The following ELOVL6 variants were observed in gnomAD, a reference collection of about 807,000 sequenced individuals.
ELOVL6 encodes the protein very long chain fatty acid elongase 6.
A neutral mutation model predicts 31.7 loss-of-function variants in ELOVL6; 8 were observed. The observed-to-expected ratio is 0.25, with a 90% CI of 0.15 to 0.45. The LOEUF (loss-of-function observed/expected upper bound fraction) is 0.45. Ranked by LOEUF, ELOVL6 falls within the 20% of genes least tolerant of loss-of-function variation. ELOVL6 has a pLI of 1.00. For synonymous variants in ELOVL6, 101 were observed against 117.7 expected, an observed-to-expected ratio of 0.86 and a Z score of 0.92; for missense variants, 126 against 326.4, an observed-to-expected ratio of 0.39 and a Z score of 4.73.
intron 2 of ELOVL6, among the ~76,000 whole-genome samples, chr4:110,090,614 T>TG (rs1756397160): frequency 6.9e-6 from 1 of 144,464 alleles, no homozygotes; most frequent in African/African-American, 2.6e-5. Flanking sequence ...TTTTTTTTTT[T>TG]TTTTTTCATG....
At chr4:110,052,656 A>G (rs1400781380) in intron 3 of ELOVL6, among the ~76,000 whole-genome samples, 1 of 152,238 alleles carries the variant, frequency 6.6e-6, no homozygotes, top group East Asian at 1.9e-4. Flanking sequence ...TGTATCTGCA[A>G]TGCTTCACTG....
At chr4:110,141,874 T>TAC (rs1553960302) in intron 1 of ELOVL6, among the ~76,000 whole-genome samples, 4 of 143,222 alleles carry the variant, frequency 2.8e-5, no homozygotes, top group African/African-American at 1.0e-4. Flanking sequence ...TATATATATA[T>TAC]ACTAATACAA....
At chr4:110,079,312 C>T (rs985996406) in intron 2 of ELOVL6, among the ~76,000 whole-genome samples, 27 of 152,092 alleles carry the variant, frequency 1.8e-4, no homozygotes, top group Non-Finnish European at 3.4e-4. Context: ...ACACCACACC[C>T]ATTACAAAAT....
chr4:110,151,776 T>G (rs1758286040), intron 1 of ELOVL6, among the ~76,000 whole-genome samples: 1 of 152,232 alleles, frequency 6.6e-6, no homozygotes, highest in Admixed American at 6.5e-5. Flanking sequence ...TCCCACTTAC[T>G]AGCTGTACAA....
At chr4:110,087,773 T>G (rs1017168194) in intron 2 of ELOVL6, among the ~76,000 whole-genome samples, 9 of 150,748 alleles carry the variant, frequency 6.0e-5, no homozygotes, top group African/African-American at 2.2e-4. Context: ...TAATTTTTTT[T>G]AAATAGCTCC....
Position 110,050,385 on chromosome 4 carries a change from C to G in ELOVL6, c.*953G>C, listed in dbSNP as rs1560796477. The G allele has an allele frequency of 6.6e-6, 1 of 152,576 alleles. No homozygotes were observed. The highest frequency in any genetic ancestry group is 1.5e-5 in the Non-Finnish European group (1 of 68,076). The allele number at this position is 152,576 out of a possible 1,614,324, so 9.5% of individuals were successfully genotyped here. A position where few individuals can be genotyped will look rare whatever the true frequency, so the allele number is the denominator to read the frequency against. Reference sequence around the variant, plus strand: ...CACCTCTTTTCCCACTGCCTTTCTCCCTTTTCCAGCTCACAGTGGTCCTGG... The same window carrying G: ...CACCTCTTTTCCCACTGCCTTTCTCGCTTTTCCAGCTCACAGTGGTCCTGG... On this transcript the variant is annotated 3_prime_UTR_variant, in exon 4 of 4. Coordinates refer to ENST00000302274, the MANE Select transcript of ELOVL6 (RefSeq NM_024090.3).
chr4:110,188,318 T>C (rs1345436983), intron 1 of ELOVL6, among the ~76,000 whole-genome samples: 2 of 152,190 alleles, frequency 1.3e-5, no homozygotes, highest in East Asian at 3.8e-4. Flanking sequence ...GTGAGATCAT[T>C]GACTAAAACC....
chr4:110,067,281 A>T (rs544245711), intron 2 of ELOVL6, among the ~76,000 whole-genome samples: 67 of 152,286 alleles, frequency 4.4e-4, no homozygotes, highest in Middle Eastern at 3.4e-3. Flanking sequence ...TCCATTAGAA[A>T]ATCTGAAAAT....
intron 2 of ELOVL6, among the ~76,000 whole-genome samples, chr4:110,076,571 TG>T (rs759879782): frequency 2.6e-5 from 4 of 152,122 alleles, no homozygotes; most frequent in Non-Finnish European, 4.4e-5. Context: ...TCTAGGTTTG[TG>T]GAAGTACACA....
intron 2 of ELOVL6, among the ~76,000 whole-genome samples, chr4:110,101,760 G>C (rs539889784): frequency 1.3e-5 from 2 of 152,098 alleles, no homozygotes; most frequent in Non-Finnish European, 2.9e-5. Context: ...TGCAGCCTCA[G>C]CCTCCCCTGG....
intron 2 of ELOVL6, among the ~76,000 whole-genome samples, chr4:110,067,100 T>C (rs1022976053): frequency 2.6e-5 from 4 of 152,176 alleles, no homozygotes; most frequent in Admixed American, 2.0e-4. Flanking sequence ...TTTTTTTGTC[T>C]AATAAATGTC....
chr4:110,085,808 G>T (rs1756247541), intron 2 of ELOVL6, among the ~76,000 whole-genome samples: 1 of 152,242 alleles, frequency 6.6e-6, no homozygotes, highest in Admixed American at 6.5e-5. Flanking sequence ...CAACCTTCCA[G>T]TTTCAAGTGA....
intron 2 of ELOVL6, among the ~76,000 whole-genome samples, chr4:110,064,141 A>G (rs1421669844): frequency 6.6e-6 from 1 of 152,028 alleles, no homozygotes; most frequent in Non-Finnish European, 1.5e-5. Flanking sequence ...CATTTTTGTC[A>G]AAGCCAAATG....
intron 1 of ELOVL6, among the ~76,000 whole-genome samples, chr4:110,139,568 C>CT (rs1251426499): frequency 6.6e-6 from 1 of 151,936 alleles, no homozygotes; most frequent in Non-Finnish European, 1.5e-5. Context: ...CATTTTTTGT[C>CT]TTTTTTCAGA....
intron 2 of ELOVL6, among the ~76,000 whole-genome samples, chr4:110,076,750 G>A (rs1755643277): frequency 6.6e-6 from 1 of 152,190 alleles, no homozygotes; most frequent in Non-Finnish European, 1.5e-5. Context: ...AAGACAGTGG[G>A]TGCAGCGCAC....
intron 1 of ELOVL6, among the ~76,000 whole-genome samples, chr4:110,118,289 T>C (rs1757246902): frequency 6.6e-6 from 1 of 152,014 alleles, no homozygotes; most frequent in Non-Finnish European, 1.5e-5. Context: ...CCAGACTTCA[T>C]GGTAACTGCC....
At chr4:110,088,763 A>G (rs1044136396) in intron 2 of ELOVL6, among the ~76,000 whole-genome samples, 4 of 152,200 alleles carry the variant, frequency 2.6e-5, no homozygotes, top group African/African-American at 9.6e-5. Context: ...CTGATCACCA[A>G]CAGGGCTACT....
chr4:110,058,529 T>C (rs1357481694), intron 3 of ELOVL6, among the ~76,000 whole-genome samples: 1 of 152,092 alleles, frequency 6.6e-6, no homozygotes, highest in Non-Finnish European at 1.5e-5. Flanking sequence ...ATCAGACAGT[T>C]CCCATTCTAT....
chr4:110,183,449 A>G (rs892768590), intron 1 of ELOVL6, among the ~76,000 whole-genome samples: 3 of 152,198 alleles, frequency 2.0e-5, no homozygotes, highest in Non-Finnish European at 2.9e-5. Flanking sequence ...GCTATAAACC[A>G]GCCACCTTGT....
Sources: gnomAD v4.1 joint callset for allele counts (sites outside exome capture counted in the v4.1 genomes callset) on GRCh38, gnomAD v4.1.1 for gene constraint, MANE v1.5 for transcripts, NCBI Gene and HGNC (gene_info 2026-07-23, HGNC 2026-07-21) for gene names.